The following CELF4 variants were observed in gnomAD, a reference collection of about 807,000 sequenced individuals.
The protein encoded by CELF4 is CUG-BP- and ETR-3-like factor 4.
A neutral mutation model predicts 59.9 loss-of-function variants in CELF4; 18 were observed. The ratio of observed to expected loss-of-function variants is 0.30; its 90% CI spans 0.21 to 0.45. The LOEUF (loss-of-function observed/expected upper bound fraction) is 0.45, where lower values mean the gene tolerates loss of function less well. CELF4 is among the 20% of genes least tolerant of loss of function. CELF4 has a pLI of 1.00. For synonymous variants in CELF4, 261 were observed against 267.1 expected (o/e 0.98, Z 0.22); for missense variants, 456 against 689.0 (o/e 0.66, Z 3.79).
chr18:37,501,216 G>A (rs768052574), intron 1 of CELF4, among the ~76,000 whole-genome samples: 8 of 152,240 alleles, frequency 5.3e-5, no homozygotes, highest in Non-Finnish European at 8.8e-5. Context: ...CAGACGCCAG[G>A]ATAGGGTCCT....
intron 8 of CELF4, among the ~76,000 whole-genome samples, chr18:37,269,157 C>A (rs2089898179): frequency 6.6e-6 from 1 of 152,136 alleles, no homozygotes; most frequent in Admixed American, 6.5e-5. Flanking sequence ...CTTCCACCCC[C>A]AGCTTGCACA....
chr18:37,437,809 C>A (rs2099698011), intron 2 of CELF4, among the ~76,000 whole-genome samples: 2 of 152,162 alleles, frequency 1.3e-5, no homozygotes, highest in Non-Finnish European at 2.9e-5. Context: ...GAGCTGTGGA[C>A]CTTCCAGCTA....
chr18:37,465,830 G>A (rs2099806863), intron 2 of CELF4, among the ~76,000 whole-genome samples: 1 of 152,172 alleles, frequency 6.6e-6, no homozygotes, highest in South Asian at 2.1e-4. Context: ...GGACAAGCAA[G>A]AATTGGGGCA....
chr18:37,334,930 G>A (rs187778620), intron 2 of CELF4, among the ~76,000 whole-genome samples: 2 of 152,180 alleles, frequency 1.3e-5, no homozygotes, highest in African/African-American at 4.8e-5. Flanking sequence ...TCCTAGAAAT[G>A]GCACCGACAT....
rs1451751317 is a variant in CELF4, at chr18:37,274,471, G to A, written c.658-17C>T. 1 of 1,611,842 alleles carries A rather than the reference G, an allele frequency of 6.2e-7. No individual in the cohort carries two copies. The highest frequency in any genetic ancestry group is 1.1e-5 in the South Asian group (1 of 91,046). The stretch of plus-strand genomic sequence containing the variant: ...CGAGGCTCCCTGCGGCCGGGGCGGC[G>A]CGTGAGACCCACCTGCTCCAGAGCC... On this transcript the variant is annotated splice_polypyrimidine_tract_variant and intron_variant, in intron 5 of 12. Transcript: ENST00000420428.
chr18:37,356,043 A>C (rs1352886179), intron 2 of CELF4, among the ~76,000 whole-genome samples: 1 of 152,166 alleles, frequency 6.6e-6, no homozygotes, highest in Non-Finnish European at 1.5e-5. Context: ...GCCTGGCCCC[A>C]GGGTCTCTCT....
chr18:37,310,018 G>C (rs1477695353), intron 3 of CELF4, among the ~76,000 whole-genome samples: 3 of 151,368 alleles, frequency 2.0e-5, no homozygotes, highest in South Asian at 2.1e-4. Flanking sequence ...ATTTGCACTT[G>C]TCAATCAAAC....
chr18:37,399,082 A>G (rs2099284007), intron 2 of CELF4, among the ~76,000 whole-genome samples: 2 of 152,194 alleles, frequency 1.3e-5, no homozygotes, highest in South Asian at 4.1e-4. Context: ...CCCAAGGTGA[A>G]TAACGCACAG....
At chr18:37,545,605 C>T (rs1205869377) in intron 1 of CELF4, among the ~76,000 whole-genome samples, 1 of 152,202 alleles carries the variant, frequency 6.6e-6, no homozygotes, top group South Asian at 2.1e-4. Context: ...CCTCAGGACA[C>T]GTTGCTTCCA....
chr18:37,521,335 C>A (rs1476102876), intron 1 of CELF4, among the ~76,000 whole-genome samples: 5 of 152,076 alleles, frequency 3.3e-5, no homozygotes, highest in African/African-American at 1.2e-4. Context: ...GGTCCCCCAG[C>A]CCTCCACCCC....
At chr18:37,435,355 G>C (rs531691059) in intron 2 of CELF4, among the ~76,000 whole-genome samples, 1 of 152,196 alleles carries the variant, frequency 6.6e-6, no homozygotes, top group East Asian at 1.9e-4. Flanking sequence ...GTGCACATGT[G>C]TGTGTGTGCA....
intron 2 of CELF4, among the ~76,000 whole-genome samples, chr18:37,476,052 T>C (rs1224321474): frequency 6.6e-6 from 1 of 152,264 alleles, no homozygotes; most frequent in Admixed American, 6.5e-5. Flanking sequence ...GACTTTATTG[T>C]GGCAAAGGAC....
At chr18:37,529,303 G>A (rs1476777027) in intron 1 of CELF4, 1 of 152,298 alleles carries the variant, frequency 6.6e-6, no homozygotes, top group Non-Finnish European at 1.5e-5. Context: ...CCTGAGAGGT[G>A]AGAGGTGAGC....
At chr18:37,419,730 C>T (rs1193364026) in intron 2 of CELF4, among the ~76,000 whole-genome samples, 1 of 152,112 alleles carries the variant, frequency 6.6e-6, no homozygotes, top group Admixed American at 6.5e-5. Context: ...AGTAGAGGAC[C>T]CAGGGGATGA....
intron 1 of CELF4, among the ~76,000 whole-genome samples, chr18:37,555,482 T>A (rs563890661): frequency 6.6e-6 from 1 of 152,262 alleles, no homozygotes; most frequent in Non-Finnish European, 1.5e-5. Flanking sequence ...TCTCCCACCA[T>A]GAAAAGCTCT....
intron 1 of CELF4, among the ~76,000 whole-genome samples, chr18:37,532,365 G>A (rs1014251730): frequency 8.5e-5 from 13 of 152,286 alleles, no homozygotes; most frequent in Admixed American, 5.2e-4. Context: ...GCATTTGGAG[G>A]GCAGGGACTG....
intron 10 of CELF4, among the ~76,000 whole-genome samples, chr18:37,259,564 C>T (rs1005680822): frequency 1.3e-5 from 2 of 152,148 alleles, no homozygotes; most frequent in Non-Finnish European, 2.9e-5. Context: ...GCTCCAGAGG[C>T]GGAGTCGACC....
At chr18:37,435,043 C>T (rs975130126) in intron 2 of CELF4, among the ~76,000 whole-genome samples, 2 of 152,112 alleles carry the variant, frequency 1.3e-5, no homozygotes, top group Non-Finnish European at 2.9e-5. Context: ...GTCACCTGCC[C>T]ACTCTAGTAA....
At chr18:37,529,570 C>A (rs1411300213) in intron 1 of CELF4, among the ~76,000 whole-genome samples, 6 of 152,230 alleles carry the variant, frequency 3.9e-5, no homozygotes, top group African/African-American at 1.4e-4. Flanking sequence ...GGAAAGGAAG[C>A]TCCAATAGGG....
Sources: gnomAD v4.1 joint callset for allele counts (sites outside exome capture counted in the v4.1 genomes callset) on GRCh38, gnomAD v4.1.1 for gene constraint, MANE v1.5 for transcripts, NCBI Gene and HGNC (gene_info 2026-07-23, HGNC 2026-07-21) for gene names.